Variants in LPAR5 observed in about 807,000 individuals in gnomAD.
LPAR5 encodes the protein G protein-coupled receptor 92.
For synonymous variants in LPAR5, 271 were observed against 261.6 expected (o/e 1.04, Z -0.35); for missense variants, 544 against 521.8 (o/e 1.04, Z -0.41).
intron 1 of LPAR5, among the ~76,000 whole-genome samples, chr12:6,632,380 A>G (rs1241478223): frequency 6.6e-6 from 1 of 152,144 alleles, no homozygotes; most frequent in Non-Finnish European, 1.5e-5. Context: ...GCCCCTGAGA[A>G]TCAGCTCTGG....
intron 1 of LPAR5, among the ~76,000 whole-genome samples, chr12:6,632,971 C>A (rs1348692894): frequency 6.6e-6 from 1 of 152,190 alleles, no homozygotes; most frequent in Non-Finnish European, 1.5e-5. Flanking sequence ...TGCCTTTCCC[C>A]ACCCTTCTCT....
At chr12:6,623,219 C>T (rs887671439) in intron 1 of LPAR5, among the ~76,000 whole-genome samples, 1 of 148,716 alleles carries the variant, frequency 6.7e-6, no homozygotes, top group Non-Finnish European at 1.5e-5. Context: ...GCCTGGGTAA[C>T]AAAACGAGAC....
Position 6,620,150 on chromosome 12 carries a change from G to A in LPAR5, c.1099C>T (p.Pro367Ser), listed in dbSNP as rs1948875808. The part of the protein sequence containing the change: ...SHSLSSFTQC[P>S]QDSAL The stretch of plus-strand genomic sequence containing the variant: ...TGTGTTCAGAGGGCGGAATCCTGGG[G>A]ACACTGTGTGAAGGAAGACAGAGAG... The change falls in exon 2 of 2, where the codon CCC (proline) becomes TCC (serine). Residue 367 changes from proline (P) to serine (S), a missense_variant. By Grantham distance (74) the Pro-to-Ser change is moderately conservative. Coordinates refer to ENST00000329858, the MANE Select transcript of LPAR5 (RefSeq NM_020400.6). This position sits in a 1 kb window ranked among gnomAD's most constrained non-coding sequence, Gnocchi z 6.8. 1 of 1,613,794 alleles carries A rather than the reference G, an allele frequency of 6.2e-7. No individual in the cohort carries two copies. Among genetic ancestry groups the A allele is most frequent in the Non-Finnish European group, 8.5e-7 (1 of 1,179,806 alleles).
intron 1 of LPAR5, among the ~76,000 whole-genome samples, chr12:6,626,288 A>T (rs1200092999): frequency 6.6e-6 from 1 of 151,888 alleles, no homozygotes. Flanking sequence ...AAAAGAAAAA[A>T]TTTTTTCATA....
intron 1 of LPAR5, among the ~76,000 whole-genome samples, chr12:6,635,126 AAAG>A (rs1949002538): frequency 1.3e-5 from 2 of 151,910 alleles, no homozygotes; most frequent in South Asian, 4.1e-4. Context: ...AGAGAGAAAA[AAAG>A]GAGTAGTTCT....
At chr12:6,621,602 CT>C in intron 1 of LPAR5, 138 bp from the exon 2 acceptor site, 1 of 212,234 alleles carries the variant, frequency 4.7e-6, no homozygotes, top group Middle Eastern at 1.6e-3. Flanking sequence ...TACGGCAGGA[CT>C]ATATAGTATA....
intron 1 of LPAR5, among the ~76,000 whole-genome samples, chr12:6,624,577 A>G (rs1297775886): frequency 6.6e-6 from 1 of 152,050 alleles, no homozygotes; most frequent in African/African-American, 2.4e-5. Context: ...TGTTTCCAAG[A>G]TCTATTCATG....
Position 6,620,755 on chromosome 12 carries a change from C to T in LPAR5, c.494G>A (p.Cys165Tyr). Reference protein sequence around the residue: ...PAARVHRPSRCRYRDLEVRLC... With the variant: ...PAARVHRPSRYRYRDLEVRLC... ...GCGCACCTCGAGGTCCCGGTAGCGGCAACGCGAGGGCCTGTGCACGCGGGC... is the reference window on the plus strand; with the variant it reads ...GCGCACCTCGAGGTCCCGGTAGCGGTAACGCGAGGGCCTGTGCACGCGGGC... The change falls in exon 2 of 2, where the codon TGC becomes TAC. Residue 165 changes from cysteine to tyrosine, a missense_variant. Coordinates refer to ENST00000329858, the MANE Select transcript of LPAR5 (RefSeq NM_020400.6). This position sits in a 1 kb window ranked among gnomAD's most constrained non-coding sequence, Gnocchi z 6.8. 1 of 1,592,280 alleles carries T rather than the reference C, an allele frequency of 6.3e-7. No individual in the cohort carries two copies. The highest frequency in any genetic ancestry group is 1.1e-5 in the South Asian group (1 of 88,522).
intron 1 of LPAR5, among the ~76,000 whole-genome samples, chr12:6,628,116 G>A (rs553007757): frequency 3.4e-5 from 5 of 149,108 alleles, no homozygotes; most frequent in Admixed American, 6.9e-5. Context: ...CTGCCTCCCG[G>A]GTTCACGCCA....
At chr12:6,634,771 GGGCAACA>G in intron 1 of LPAR5, among the ~76,000 whole-genome samples, 1 of 151,564 alleles carries the variant, frequency 6.6e-6, no homozygotes, top group Non-Finnish European at 1.5e-5. Context: ...ACTCCAGCCT[GGGCAACA>G]GAGTGAGATC....
intron 1 of LPAR5, among the ~76,000 whole-genome samples, chr12:6,631,933 G>A (rs189068317): frequency 1.1e-3 from 160 of 152,248 alleles, no homozygotes; most frequent in Non-Finnish European, 2.0e-3. Flanking sequence ...AACACCACAT[G>A]CCTTGCTCTG....
chr12:6,619,874 G>C lies in LPAR5; in HGVS notation c.*256C>G. On this transcript the variant is annotated 3_prime_UTR_variant, in exon 2 of 2. Transcript: ENST00000329858. ...TTTCGTCCTCTTCTGCCCTCTGCAC[G>C]GGTGGGCTCTCTGCATCACTTCCCA... 2 of 675,634 alleles carry C rather than the reference G, an allele frequency of 3.0e-6. No individual in the cohort carries two copies. The highest frequency in any genetic ancestry group is 5.4e-6 in the Non-Finnish European group (2 of 369,018). 41.9% of individuals were successfully genotyped at this position (675,634 alleles called of 1,614,324 possible).
At position 6,620,352 on chromosome 12, in the gene LPAR5, AAAG is replaced by A; in HGVS notation, c.894_896del (p.Phe299del). On this transcript the variant is annotated inframe_deletion, in exon 2 of 2. Coordinates refer to ENST00000329858, the MANE Select transcript of LPAR5 (RefSeq NM_020400.6). The surrounding 1 kb of genome is among the most constrained non-coding windows in gnomAD (Gnocchi z 6.8). ...GGGTGTTGCGGAAGCCCTCGGCGCT[AAAG>A]TAGTACACCAGCGGGTCCAGCACGC... The A allele has an allele frequency of 6.2e-7, 1 of 1,611,394 alleles. No individual in the cohort carries two copies. The highest frequency in any genetic ancestry group is 8.5e-7 in the Non-Finnish European group (1 of 1,179,126).
At chr12:6,630,488 C>T (rs1265667443) in intron 1 of LPAR5, among the ~76,000 whole-genome samples, 8 of 98,530 alleles carry the variant, frequency 8.1e-5, no homozygotes, top group Non-Finnish European at 1.4e-4. Context: ...GGAGTCTCCC[C>T]GTTGCCCAGG....
In LPAR5 at chr12:6,620,006, C is replaced by G. The variant is rs757336941; in HGVS notation, c.*124G>C. 174 of 1,314,876 alleles carry G rather than the reference C, an allele frequency of 1.3e-4. No homozygotes were observed. The South Asian group carries it at 1.9e-3, about 14-fold the overall frequency. 81.5% of individuals were successfully genotyped at this position (1,314,876 alleles called of 1,614,324 possible). On this transcript the variant is annotated 3_prime_UTR_variant, in exon 2 of 2. Transcript: ENST00000329858. The surrounding 1 kb of genome is among the most constrained non-coding windows in gnomAD (Gnocchi z 6.8). ...CCACACTTTGTACTCTTCTGCGTTG[C>G]TAAGCTGGAATTGCCACCCAAAGGT...
chr12:6,627,367 G>A (rs140521988), intron 1 of LPAR5, among the ~76,000 whole-genome samples: 31 of 152,254 alleles, frequency 2.0e-4, no homozygotes, highest in African/African-American at 5.8e-4. Flanking sequence ...CGAGGCAGGC[G>A]TATCACGAGG....
rs538575356 is a variant in LPAR5, at chr12:6,621,915, G to T, written c.-216-451C>A. Among the ~76,000 whole-genome samples the T allele has an allele frequency of 7.0e-4, 106 of 152,156 alleles. No homozygotes were observed. The Middle Eastern group carries it at 0.014, about 20-fold the overall frequency. On this transcript the variant is annotated intron_variant, in intron 1 of 1. Coordinates refer to ENST00000329858, the MANE Select transcript of LPAR5 (RefSeq NM_020400.6). ...GGCCGAGGCGGGTGGATTACCTGAG[G>T]TCAGGAGTTCGAGACCAACCTGTCC...
chr12:6,621,106 A>C lies in LPAR5; in HGVS notation c.143T>G (p.Leu48Arg). The C allele has an allele frequency of 6.2e-7, 1 of 1,603,644 alleles. No homozygotes were observed. Among genetic ancestry groups the C allele is most frequent in the Non-Finnish European group, 8.5e-7 (1 of 1,174,202 alleles). Residue 48 changes from leucine to arginine, a missense_variant, in exon 2 of 2, where the codon CTG becomes CGG. Transcript: ENST00000329858. ...PLNALALWVF[L>R]RALRVHSVVS... Reference sequence around the variant, plus strand: ...CACCGAGTGCACGCGCAGCGCGCGCAGGAAGACCCAGAGGGCTAGCGCGTT... The same window carrying C: ...CACCGAGTGCACGCGCAGCGCGCGCCGGAAGACCCAGAGGGCTAGCGCGTT...
intron 1 of LPAR5, among the ~76,000 whole-genome samples, chr12:6,629,540 G>A (rs1424278282): frequency 6.6e-6 from 1 of 150,454 alleles, no homozygotes; most frequent in Admixed American, 6.7e-5. Flanking sequence ...CGAGCTTGGT[G>A]GCACCTGCCT....
Sources: allele counts gnomAD v4.1 joint callset (sites outside exome capture counted in the v4.1 genomes callset), GRCh38; gene constraint gnomAD v4.1.1; non-coding constraint Gnocchi (gnomAD v3.1); transcripts MANE v1.5; gene names NCBI Gene and HGNC (gene_info 2026-07-23, HGNC 2026-07-21).